Variants in RNF13 observed in about 807,000 individuals in gnomAD.
The protein encoded by RNF13 is ring finger protein 13.
A neutral mutation model predicts 37.7 loss-of-function variants in RNF13; 19 were observed. That is an observed-to-expected ratio of 0.50 (90% CI 0.35 to 0.74). The LOEUF (loss-of-function observed/expected upper bound fraction) is 0.74. Among genes scored for constraint, RNF13 ranks in the 30% least tolerant of loss-of-function variants. The probability of loss-of-function intolerance (pLI) is 0.01; values close to 1 mark genes in which losing one functional copy is unlikely to be tolerated. For synonymous variants in RNF13, 144 were observed against 157.8 expected, an observed-to-expected ratio of 0.91 and a Z score of 0.65; for missense variants, 375 against 453.0, an observed-to-expected ratio of 0.83 and a Z score of 1.56.
Position 149,961,113 on chromosome 3 carries a change from A to T in RNF13, c.*9A>T. 6.3e-7 allele frequency: 1 copy of T among 1,586,654 alleles called. No homozygotes were observed. The highest frequency in any genetic ancestry group is 8.6e-7 in the Non-Finnish European group (1 of 1,165,538). ...TAGCAAATACTGTTTGACTTTCAGA[A>T]GATGATTGGTTTATTTCCCTTTAAA... is the stretch of plus-strand genomic sequence containing the variant. On this transcript the variant is annotated 3_prime_UTR_variant, in exon 10 of 10. Coordinates refer to ENST00000392894, the MANE Select transcript of RNF13 (RefSeq NM_183381.3).
Position 149,892,934 on chromosome 3 carries a change from G to A in RNF13, c.322-2539G>A, listed in dbSNP as rs1714864260. On this transcript the variant is annotated intron_variant, in intron 4 of 9. Coordinates refer to ENST00000392894, the MANE Select transcript of RNF13 (RefSeq NM_183381.3). Reference sequence around the variant, plus strand: ...TCTAAGCAGGGAGCAATTAATATAGGTACATGTGGCATAGGGGTACAGGAC... The same window carrying A: ...TCTAAGCAGGGAGCAATTAATATAGATACATGTGGCATAGGGGTACAGGAC... Among the ~76,000 whole-genome samples, 3 of 152,242 alleles carry A rather than the reference G, an allele frequency of 2.0e-5. No individual in the cohort carries two copies. In the South Asian group the frequency reaches 6.2e-4, roughly 32 times the overall value.
intron 4 of RNF13, among the ~76,000 whole-genome samples, chr3:149,881,113 A>AT (rs1171670153): frequency 1.3e-5 from 2 of 152,202 alleles, no homozygotes; most frequent in Non-Finnish European, 2.9e-5. Context: ...ATCATGACCT[A>AT]TAGTTTGAAA....
intron 8 of RNF13, among the ~76,000 whole-genome samples, chr3:149,952,517 G>A (rs1223013984): frequency 1.3e-5 from 2 of 152,102 alleles, no homozygotes; most frequent in African/African-American, 4.8e-5. Flanking sequence ...GGCTCTGGAA[G>A]GGTGTTGTAC....
Position 149,872,179 on chromosome 3 carries a change from TG to T in RNF13, c.321+26del. 4 of 1,466,640 alleles carry T rather than the reference TG, an allele frequency of 2.7e-6. No individual in the cohort carries two copies. The South Asian group carries it at 5.1e-5, about 19-fold the overall frequency. The allele number at this position is 1,466,640 out of a possible 1,614,324, so 90.9% of individuals were successfully genotyped here. Reference sequence around the variant, plus strand: ...GGTATGATTATCTTTTTTCATTTTTTGTTTCCTATTTGTTCAGTTAGCTAAT... The same window carrying T: ...GGTATGATTATCTTTTTTCATTTTTTTTTCCTATTTGTTCAGTTAGCTAAT... On this transcript the variant is annotated intron_variant, in intron 4 of 9. Transcript: ENST00000392894.
At chr3:149,937,812 T>C (rs1719851987) in intron 8 of RNF13, among the ~76,000 whole-genome samples, 1 of 152,144 alleles carries the variant, frequency 6.6e-6, no homozygotes, top group Non-Finnish European at 1.5e-5. Flanking sequence ...AGACTTATTT[T>C]TAAAAAATAA....
At chr3:149,831,702 G>T (rs949235207) in intron 1 of RNF13, among the ~76,000 whole-genome samples, 3 of 152,208 alleles carry the variant, frequency 2.0e-5, no homozygotes, top group Non-Finnish European at 2.9e-5. Flanking sequence ...GGGAAGGCAT[G>T]ATTGGTTTTG....
At chr3:149,915,243 T>TA (rs1289545494) in intron 7 of RNF13, among the ~76,000 whole-genome samples, 1 of 152,222 alleles carries the variant, frequency 6.6e-6, no homozygotes, top group Non-Finnish European at 1.5e-5. Flanking sequence ...ATTTTGTCCT[T>TA]ACATCTCTGG....
chr3:149,885,937 T>C (rs908818780), intron 4 of RNF13, among the ~76,000 whole-genome samples: 3 of 152,190 alleles, frequency 2.0e-5, no homozygotes, highest in Non-Finnish European at 4.4e-5. Context: ...TCTAGTTTCA[T>C]TCTTCTGGAT....
At chr3:149,957,824 T>C (rs1383752085) in intron 8 of RNF13, among the ~76,000 whole-genome samples, 1 of 152,188 alleles carries the variant, frequency 6.6e-6, no homozygotes, top group Non-Finnish European at 1.5e-5. Context: ...AAGATAAGTG[T>C]TTTACATAAA....
chr3:149,846,972 C>G, intron 2 of RNF13, among the ~76,000 whole-genome samples: 1 of 152,080 alleles, frequency 6.6e-6, no homozygotes, highest in East Asian at 1.9e-4. Context: ...TTAGCATAGC[C>G]TCTCTTAGCT....
chr3:149,925,687 C>G (rs148997241), intron 8 of RNF13, among the ~76,000 whole-genome samples: 2 of 151,860 alleles, frequency 1.3e-5, no homozygotes, highest in African/African-American at 4.8e-5. Flanking sequence ...GTACATATAT[C>G]CTGGTGCATA....
rs1431973427 is a variant in RNF13, at chr3:149,961,362, A to T, written c.*258A>T. The T allele has an allele frequency of 3.9e-4, 102 of 261,494 alleles. No individual in the cohort carries two copies. The highest frequency in any genetic ancestry group is 5.6e-4 in the Non-Finnish European group (81 of 144,100). 16.2% of individuals were successfully genotyped at this position (261,494 alleles called of 1,614,324 possible). A position where few individuals can be genotyped will look rare whatever the true frequency, so the allele number is the denominator to read the frequency against. ...TGGAATGAAAGTATAGCCAAAACAT[A>T]AAAAAAAAAAAATCCTCAGTATAGC... On this transcript the variant is annotated 3_prime_UTR_variant, in exon 10 of 10. Transcript: ENST00000392894.
In RNF13 at chr3:149,961,864, A is replaced by T. The variant is rs1284575297; in HGVS notation, c.*760A>T. 3 of 152,964 alleles carry T rather than the reference A, an allele frequency of 2.0e-5. No homozygotes were observed. The highest frequency in any genetic ancestry group is 4.4e-5 in the Non-Finnish European group (3 of 68,310). 9.5% of individuals were successfully genotyped at this position (152,964 alleles called of 1,614,324 possible). On this transcript the variant is annotated 3_prime_UTR_variant, in exon 10 of 10. Transcript: ENST00000392894. Reference sequence around the variant, plus strand: ...GCAACTGTTAATACTCAGATCATATACCTCTTAATAAATAGCATCTTATGC... The same window carrying T: ...GCAACTGTTAATACTCAGATCATATTCCTCTTAATAAATAGCATCTTATGC...
chr3:149,842,757 A>G (rs917083294), intron 1 of RNF13, among the ~76,000 whole-genome samples: 4 of 152,242 alleles, frequency 2.6e-5, no homozygotes, highest in African/African-American at 9.6e-5. Flanking sequence ...CCATTTATAC[A>G]TCATATTTTT....
At position 149,845,849 on chromosome 3, in the gene RNF13, T is replaced by C. The variant is rs1162147157; in HGVS notation, c.-16-162T>C. 3 of 524,248 alleles carry C rather than the reference T, an allele frequency of 5.7e-6. No homozygotes were observed. The African/African-American group carries it at 5.7e-5, about 10-fold the overall frequency. 32.5% of individuals were successfully genotyped at this position (524,248 alleles called of 1,614,324 possible). On this transcript the variant is annotated intron_variant, in intron 1 of 9. Coordinates refer to ENST00000392894, the MANE Select transcript of RNF13 (RefSeq NM_183381.3). Reference sequence around the variant, plus strand: ...GGGTGTTTACCTAAATGTCCAAATCTGTGTAAGTTCTTATGCTTTTGAAAT... The same window carrying C: ...GGGTGTTTACCTAAATGTCCAAATCCGTGTAAGTTCTTATGCTTTTGAAAT...
intron 2 of RNF13, among the ~76,000 whole-genome samples, chr3:149,850,460 A>G (rs1340831665): frequency 2.0e-5 from 3 of 152,240 alleles, no homozygotes; most frequent in Non-Finnish European, 2.9e-5. Context: ...GCTGTTAAGG[A>G]AAGACAAAGC....
chr3:149,934,025 TGGGA>T (rs1291257695), intron 8 of RNF13, among the ~76,000 whole-genome samples: 1 of 152,198 alleles, frequency 6.6e-6, no homozygotes, highest in African/African-American at 2.4e-5. Flanking sequence ...TTTTCTTTGA[TGGGA>T]GACTTTTAAT....
At chr3:149,957,407 T>A (rs544064635) in intron 8 of RNF13, among the ~76,000 whole-genome samples, 7 of 152,154 alleles carry the variant, frequency 4.6e-5, no homozygotes, top group South Asian at 2.1e-4. Flanking sequence ...GCTTTTTTTT[T>A]AAAGTATTTC....
chr3:149,904,827 G>GA (rs1405733789), intron 6 of RNF13, among the ~76,000 whole-genome samples: 1 of 151,706 alleles, frequency 6.6e-6, no homozygotes, highest in Non-Finnish European at 1.5e-5. Flanking sequence ...AAATATGTAG[G>GA]AAAATATATA....
Sources: allele counts gnomAD v4.1 joint callset (sites outside exome capture counted in the v4.1 genomes callset), GRCh38; gene constraint gnomAD v4.1.1; transcripts MANE v1.5; gene names NCBI Gene and HGNC (gene_info 2026-07-23, HGNC 2026-07-21).